LRRK1: variants seen among roughly 807,000 people sequenced by gnomAD.
LRRK1 encodes the protein leucine rich repeat kinase 1.
A neutral mutation model predicts 209.1 loss-of-function variants in LRRK1; 113 were observed. The ratio of observed to expected loss-of-function variants is 0.54; its 90% CI spans 0.46 to 0.63. The LOEUF (loss-of-function observed/expected upper bound fraction) is 0.63. LRRK1 is among the 30% of genes least tolerant of loss of function. LRRK1 has a pLI of 0.00. For missense variants in LRRK1, 2,284 were observed against 2,632.2 expected, an observed-to-expected ratio of 0.87 and a Z score of 2.89; for synonymous variants, 1,144 against 1,099.7, an observed-to-expected ratio of 1.04 and a Z score of -0.80.
intron 33 of LRRK1, among the ~76,000 whole-genome samples, chr15:101,067,581 A>C: frequency 6.6e-6 from 1 of 152,192 alleles, no homozygotes; most frequent in Non-Finnish European, 1.5e-5. Context: ...GAGAAACACC[A>C]GTCAGCTTGC....
chr15:101,038,897 GC>G lies in LRRK1; in HGVS notation c.2964-7083del, dbSNP rs761961467. On this transcript the variant is annotated intron_variant, in intron 20 of 33. Coordinates refer to ENST00000388948, the MANE Select transcript of LRRK1 (RefSeq NM_024652.6). ...CCATCTTTTAAGCACACTTGTGGCTGCACTTAAGGTCCACCCAGATAATGTG... is the reference window on the plus strand; with the variant it reads ...CCATCTTTTAAGCACACTTGTGGCTGACTTAAGGTCCACCCAGATAATGTG... 2.7e-4 allele frequency among the ~76,000 whole-genome samples: 41 copies of G among 152,250 alleles called. No homozygotes were observed. In the East Asian group the frequency reaches 2.9e-3, roughly 11 times the overall value.
chr15:100,921,079 C>T (rs1392691038), intron 1 of LRRK1, among the ~76,000 whole-genome samples: 5 of 152,184 alleles, frequency 3.3e-5, no homozygotes, highest in African/African-American at 1.2e-4. Context: ...CCATTCTGTA[C>T]TCCTTCTTTA....
rs534992921 is a variant in LRRK1, at chr15:100,926,830, G to A, written c.97+2101G>A. On this transcript the variant is annotated intron_variant, in intron 2 of 33. Coordinates refer to ENST00000388948, the MANE Select transcript of LRRK1 (RefSeq NM_024652.6). ...CTCCTGAGTAGCTGGTACTACAGGC[G>A]TGCGCCACCACGCCCAGCTAATTTT... Among the ~76,000 whole-genome samples, 205 of 151,662 alleles carry A rather than the reference G, an allele frequency of 1.4e-3. 6 individuals are homozygous for A. The South Asian group carries it at 0.038, about 28-fold the overall frequency.
chr15:101,053,095 G>A lies in LRRK1; in HGVS notation c.3856+7G>A, dbSNP rs756153765. 1.1e-5 allele frequency: 17 copies of A among 1,602,492 alleles called. No homozygotes were observed. Among genetic ancestry groups the A allele is most frequent in the East Asian group, 2.2e-5 (1 of 44,606 alleles). On this transcript the variant is annotated splice_region_variant and intron_variant, in intron 25 of 33. Transcript: ENST00000388948. Reference sequence around the variant, plus strand: ...TTTGCTAACGTACCGGCAGGTAAGCGGGTCCCAGGTTGGTGCTGTTTTTCT... The same window carrying A: ...TTTGCTAACGTACCGGCAGGTAAGCAGGTCCCAGGTTGGTGCTGTTTTTCT...
intron 3 of LRRK1, among the ~76,000 whole-genome samples, chr15:100,976,848 G>A (rs186607123): frequency 1.3e-5 from 2 of 152,292 alleles, no homozygotes; most frequent in East Asian, 3.9e-4. Context: ...ATACCACACA[G>A]CACTCCAAAA....
At chr15:100,944,584 G>A (rs1279457210) in intron 2 of LRRK1, among the ~76,000 whole-genome samples, 1 of 152,136 alleles carries the variant, frequency 6.6e-6, no homozygotes, top group African/African-American at 2.4e-5. Context: ...TACCAGCTAC[G>A]GAGGACTCCT....
chr15:100,947,741 G>A (rs946842939), intron 2 of LRRK1, among the ~76,000 whole-genome samples: 1 of 152,218 alleles, frequency 6.6e-6, no homozygotes, highest in African/African-American at 2.4e-5. Context: ...ATGAAGACAG[G>A]AAGCTATCAT....
At chr15:101,058,628 G>C (rs1319371860) in intron 29 of LRRK1, among the ~76,000 whole-genome samples, 1 of 141,700 alleles carries the variant, frequency 7.1e-6, no homozygotes, top group Non-Finnish European at 1.5e-5. Flanking sequence ...GGGGGGGGGC[G>C]TCTAAACAGA....
chr15:100,985,160 G>A (rs997774494), intron 4 of LRRK1, among the ~76,000 whole-genome samples: 1 of 151,774 alleles, frequency 6.6e-6, no homozygotes, highest in Non-Finnish European at 1.5e-5. Context: ...ACAGAATGAG[G>A]TTATGGGCAG....
chr15:101,004,150 A>T (rs1334439743), intron 6 of LRRK1, among the ~76,000 whole-genome samples: 1 of 152,132 alleles, frequency 6.6e-6, no homozygotes, highest in African/African-American at 2.4e-5. Context: ...TACCCAGAAT[A>T]AATTAACCCC....
chr15:101,061,400 A>G, intron 30 of LRRK1, 112 bp downstream of exon 30: 1 of 710,186 alleles, frequency 1.4e-6, no homozygotes, highest in Non-Finnish European at 2.4e-6. Context: ...GTGAACTTTC[A>G]GATAACCCCC....
intron 12 of LRRK1, among the ~76,000 whole-genome samples, chr15:101,017,619 T>C (rs1287503479): frequency 6.6e-6 from 1 of 152,098 alleles, no homozygotes; most frequent in African/African-American, 2.4e-5. Flanking sequence ...CTGTGAGGGC[T>C]CTAGGTTGTG....
chr15:100,923,908 A>G (rs1273937799), intron 1 of LRRK1, among the ~76,000 whole-genome samples: 3 of 152,236 alleles, frequency 2.0e-5, no homozygotes, highest in African/African-American at 7.2e-5. Flanking sequence ...GGAAAGGGGC[A>G]GAATTTTTGA....
At chr15:101,031,421 C>A (rs747448212) in intron 20 of LRRK1, among the ~76,000 whole-genome samples, 2 of 152,172 alleles carry the variant, frequency 1.3e-5, no homozygotes, top group Non-Finnish European at 2.9e-5. Flanking sequence ...TCCATCCATG[C>A]GGTTGTGTGT....
intron 6 of LRRK1, among the ~76,000 whole-genome samples, chr15:101,006,366 A>G (rs1433942744): frequency 3.2e-5 from 4 of 124,378 alleles, no homozygotes; most frequent in Non-Finnish European, 6.6e-5. Flanking sequence ...TGCAACGACA[A>G]TGTGATAAAA....
chr15:101,008,944 G>A lies in LRRK1; in HGVS notation c.870G>A (p.Leu290=). 6.2e-7 allele frequency: 1 copy of A among 1,614,110 alleles called. No individual in the cohort carries two copies. Among genetic ancestry groups the A allele is most frequent in the South Asian group, 1.1e-5 (1 of 91,078 alleles). Residue 290 remains leucine (L), a synonymous_variant, in exon 7 of 34, where the codon CTG becomes CTA. Coordinates refer to ENST00000388948, the MANE Select transcript of LRRK1 (RefSeq NM_024652.6). ...AGCTCGACCTTTCTGCCAACTGCCT[G>A]GCGACCCTCCCCTCGGTTATCCCCT... ...ITELDLSANC[L]ATLPSVIPWG...
intron 6 of LRRK1, among the ~76,000 whole-genome samples, chr15:100,995,319 C>G (rs2032353238): frequency 6.6e-6 from 1 of 152,220 alleles, no homozygotes; most frequent in Non-Finnish European, 1.5e-5. Context: ...TAGCCCGAAT[C>G]CACCTCTGCC....
At chr15:101,052,778 G>C in intron 24 of LRRK1, 144 bp from the exon 25 acceptor site, 1 of 924,194 alleles carries the variant, frequency 1.1e-6, no homozygotes, top group Non-Finnish European at 1.6e-6. Flanking sequence ...ACCCACAAGT[G>C]GCAGGGCCGG....
chr15:100,932,925 G>A (rs577204164), intron 2 of LRRK1, among the ~76,000 whole-genome samples: 33 of 152,086 alleles, frequency 2.2e-4, no homozygotes, highest in Non-Finnish European at 3.5e-4. Flanking sequence ...TGTTCCCTTC[G>A]TGATGACGAG....
Sources: gnomAD v4.1 joint callset for allele counts (sites outside exome capture counted in the v4.1 genomes callset) on GRCh38, gnomAD v4.1.1 for gene constraint, MANE v1.5 for transcripts, NCBI Gene and HGNC (gene_info 2026-07-23, HGNC 2026-07-21) for gene names.